The following CPSF2 variants were observed in gnomAD, a reference collection of about 807,000 sequenced individuals.
CPSF2 encodes the protein cleavage and polyadenylation specificity factor subunit 2.
Under a neutral mutation model 84.2 loss-of-function variants are expected in CPSF2, and 51 were observed. That is an observed-to-expected ratio of 0.61 (90% confidence interval 0.48 to 0.77). The LOEUF (loss-of-function observed/expected upper bound fraction) is 0.77, where lower values mean the gene tolerates loss of function less well. Among genes scored for constraint, CPSF2 ranks in the 30% least tolerant of loss-of-function variants. The probability of loss-of-function intolerance (pLI) is 0.00; values close to 1 mark genes in which losing one functional copy is unlikely to be tolerated. For synonymous variants in CPSF2, 286 were observed against 311.9 expected (o/e 0.92, Z 0.87); for missense variants, 641 against 929.4 (o/e 0.69, Z 4.03).
chr14:92,138,304 A>T lies in CPSF2; in HGVS notation c.618A>T (p.Thr206=). The T allele has an allele frequency of 6.2e-7, 1 of 1,607,306 alleles. No homozygotes were observed. The highest frequency in any genetic ancestry group is 1.1e-5 in the South Asian group (1 of 89,814). Residue 206 remains threonine, a synonymous_variant, in exon 7 of 16, where the codon ACA becomes ACT. Transcript: ENST00000298875. ...TTATCACAGATTCATTCAATGCTACATATGTACAGCCTAGAAGAAAACAGA... is the reference window on the plus strand; with the variant it reads ...TTATCACAGATTCATTCAATGCTACTTATGTACAGCCTAGAAGAAAACAGA... ...SLLITDSFNA[T]YVQPRRKQRD... is the part of the protein sequence containing the mutation.
intron 14 of CPSF2, among the ~76,000 whole-genome samples, chr14:92,160,225 A>C (rs1190710714): frequency 6.6e-6 from 1 of 152,222 alleles, no homozygotes; most frequent in African/African-American, 2.4e-5. Context: ...AGCCTCCCAA[A>C]GTGCTGGGAT....
intron 7 of CPSF2, among the ~76,000 whole-genome samples, chr14:92,140,434 C>CTT (rs35320936): frequency 0.016 from 2,011 of 123,314 alleles, 70 homozygotes; most frequent in African/African-American, 0.057. Context: ...ACCCCCATCT[C>CTT]TTTTTTTTTT....
Position 92,162,023 on chromosome 14 carries a change from A to G in CPSF2, c.*279A>G. 4.5e-6 allele frequency: 1 copy of G among 223,926 alleles called. No homozygotes were observed. Among genetic ancestry groups the G allele is most frequent in the East Asian group, 9.5e-5 (1 of 10,492 alleles). 13.9% of individuals were successfully genotyped at this position (223,926 alleles called of 1,614,324 possible). The stretch of plus-strand genomic sequence containing the variant: ...CTTTACAGACTCCTTGTTCTCTAGA[A>G]GGGCTTTTTACTTGAATAAAACAAT... On this transcript the variant is annotated 3_prime_UTR_variant, in exon 16 of 16. Transcript: ENST00000298875.
intron 2 of CPSF2, among the ~76,000 whole-genome samples, chr14:92,126,394 G>A (rs2068845699): frequency 6.6e-6 from 1 of 152,150 alleles, no homozygotes; most frequent in African/African-American, 2.4e-5. Context: ...TTTCCCTTAG[G>A]CCATTAATAT....
intron 6 of CPSF2, among the ~76,000 whole-genome samples, chr14:92,136,600 T>C (rs533866894): frequency 2.6e-5 from 4 of 152,296 alleles, no homozygotes; most frequent in African/African-American, 9.6e-5. Context: ...TTCTACCCAA[T>C]AAATATGAAG....
chr14:92,140,434 C>CTTTTT (rs35320936), intron 7 of CPSF2, among the ~76,000 whole-genome samples: 2 of 123,340 alleles, frequency 1.6e-5, no homozygotes, highest in African/African-American at 6.1e-5. Flanking sequence ...ACCCCCATCT[C>CTTTTT]TTTTTTTTTT....
rs925447826 is a variant in CPSF2 at position 92,163,261 on chromosome 14, A to C, written c.*1517A>C. Reference sequence around the variant, plus strand: ...TTAACTATGTGTGGAACAACCCAGTAATATCAGACTCGAATTACTATTTCA... The same window carrying C: ...TTAACTATGTGTGGAACAACCCAGTCATATCAGACTCGAATTACTATTTCA... On this transcript the variant is annotated 3_prime_UTR_variant, in exon 16 of 16. Coordinates refer to ENST00000298875, the MANE Select transcript of CPSF2 (RefSeq NM_017437.3). 3 of 152,318 alleles carry C rather than the reference A, an allele frequency of 2.0e-5. No individual in the cohort carries two copies. The highest frequency in any genetic ancestry group is 7.2e-5 in the African/African-American group (3 of 41,440). The allele number at this position is 152,318 out of a possible 1,614,324, so 9.4% of individuals were successfully genotyped here.
In CPSF2 at chr14:92,157,454, C is replaced by T. The variant is rs1320780700; in HGVS notation, c.1596-205C>T. On this transcript the variant is annotated intron_variant, in intron 12 of 15. Coordinates refer to ENST00000298875, the MANE Select transcript of CPSF2 (RefSeq NM_017437.3). The surrounding 1 kb of genome is among the most constrained non-coding windows in gnomAD (Gnocchi z 4.0). ...CCTGGGAGGTAGAGGTTGCAATGAGCGAAGATCATGCTACTGCACTCTAGC... is the reference window on the plus strand; with the variant it reads ...CCTGGGAGGTAGAGGTTGCAATGAGTGAAGATCATGCTACTGCACTCTAGC... 6.6e-6 allele frequency among the ~76,000 whole-genome samples: 1 copy of T among 151,950 alleles called. No homozygotes were observed. Among genetic ancestry groups the T allele is most frequent in the East Asian group, 1.9e-4 (1 of 5,202 alleles).
At chr14:92,130,878 T>C in intron 2 of CPSF2, 73 bp from the exon 3 acceptor site, 1 of 924,112 alleles carries the variant, frequency 1.1e-6, no homozygotes, top group Non-Finnish European at 1.6e-6. Context: ...TTGAAATAAT[T>C]TTAATCAATT....
At chr14:92,131,224 T>C in intron 3 of CPSF2, 91 bp downstream of exon 3, 1 of 970,516 alleles carries the variant, frequency 1.0e-6, no homozygotes, top group Non-Finnish European at 1.5e-6. Context: ...ATACTGCCTT[T>C]TTACACTAGT....
intron 5 of CPSF2, 61 bp downstream of exon 5, chr14:92,134,416 C>A (rs2068973354): frequency 8.7e-7 from 1 of 1,146,708 alleles, no homozygotes; most frequent in Non-Finnish European, 1.3e-6. Flanking sequence ...CTGGAAAATA[C>A]CGAGGAGAAT....
At chr14:92,145,346 A>C (rs9323871) in intron 9 of CPSF2, among the ~76,000 whole-genome samples, 16,877 of 151,962 alleles carry the variant, frequency 0.11, 1,172 homozygotes, top group African/African-American at 0.19. Flanking sequence ...CTGTCCCTAC[A>C]CCACCCCCTA....
In CPSF2 at chr14:92,164,177, T is replaced by C. The variant is rs939478182; in HGVS notation, c.*2433T>C. On this transcript the variant is annotated 3_prime_UTR_variant, in exon 16 of 16. Coordinates refer to ENST00000298875, the MANE Select transcript of CPSF2 (RefSeq NM_017437.3). ...CCAGCCTGTGGGACTGTGAGTCAAT[T>C]AAACGTGTTTACTTTATAAATTACC... The C allele has an allele frequency of 6.6e-6, 1 of 152,386 alleles. No individual in the cohort carries two copies. Among genetic ancestry groups the C allele is most frequent in the African/African-American group, 2.4e-5 (1 of 41,476 alleles). 9.4% of individuals were successfully genotyped at this position (152,386 alleles called of 1,614,324 possible).
At chr14:92,133,369 G>C (rs1251038771) in intron 3 of CPSF2, among the ~76,000 whole-genome samples, 1 of 152,022 alleles carries the variant, frequency 6.6e-6, no homozygotes, top group Non-Finnish European at 1.5e-5. Flanking sequence ...TGGTGAGCCG[G>C]AGATTGCGTC....
intron 12 of CPSF2, 73 bp downstream of exon 12, chr14:92,156,704 AT>A: frequency 8.8e-7 from 1 of 1,136,174 alleles, no homozygotes; most frequent in South Asian, 2.0e-5. Context: ...TATAATTTAC[AT>A]TATGTCAAGC....
intron 6 of CPSF2, among the ~76,000 whole-genome samples, chr14:92,136,671 TCTC>T (rs1384496584): frequency 6.6e-6 from 1 of 152,206 alleles, no homozygotes; most frequent in Non-Finnish European, 1.5e-5. Context: ...CTCTTCTTCT[TCTC>T]CTGACCCCTT....
rs568818100 is a variant in CPSF2, at chr14:92,171,120, GTTTTCTTTTC to G, written c.*9391_*9400del. 2.0e-5 allele frequency: 3 copies of G among 151,958 alleles called. No individual in the cohort carries two copies. The highest frequency in any genetic ancestry group is 2.1e-4 in the South Asian group (1 of 4,816). 9.4% of individuals were successfully genotyped at this position (151,958 alleles called of 1,614,324 possible). On this transcript the variant is annotated 3_prime_UTR_variant, in exon 16 of 16. Transcript: ENST00000298875. ...CTGGATCAGTTATTGCCAAATGGTAGTTTTCTTTTCTTTTCTTTTCTTTTGAGACAGTGTC... is the reference window on the plus strand; with the variant it reads ...CTGGATCAGTTATTGCCAAATGGTAGTTTTCTTTTCTTTTGAGACAGTGTC...
chr14:92,159,250 A>G lies in CPSF2; in HGVS notation c.2089A>G (p.Ile697Val), dbSNP rs780913765. 28 of 1,608,242 alleles carry G rather than the reference A, an allele frequency of 1.7e-5. No individual in the cohort carries two copies. In the South Asian group the frequency reaches 2.8e-4, roughly 16 times the overall value. ...AGAAACAGGTGAAGAAAGTGAGATC[A>G]TTCCTACTTTGGAACCCTTGCCACC... is the stretch of plus-strand genomic sequence containing the variant. ...EKETGEESEI[I>V]PTLEPLPPHE... The change falls in exon 14 of 16, where the codon ATT becomes GTT. Residue 697 changes from isoleucine to valine, a missense_variant. Coordinates refer to ENST00000298875, the MANE Select transcript of CPSF2 (RefSeq NM_017437.3).
chr14:92,144,325 A>T (rs2069117503), intron 9 of CPSF2, among the ~76,000 whole-genome samples: 1 of 152,188 alleles, frequency 6.6e-6, no homozygotes, highest in South Asian at 2.1e-4. Context: ...GTCTTACCTC[A>T]GACATCCATT....
Sources: allele counts gnomAD v4.1 joint callset (sites outside exome capture counted in the v4.1 genomes callset), GRCh38; gene constraint gnomAD v4.1.1; non-coding constraint Gnocchi (gnomAD v3.1); transcripts MANE v1.5; gene names NCBI Gene and HGNC (gene_info 2026-07-23, HGNC 2026-07-21).